CYP4F2: variants seen among roughly 807,000 people sequenced by gnomAD.
The protein encoded by CYP4F2 is cytochrome P450 4F2.
In CYP4F2, 58 loss-of-function variants were observed where a neutral mutation model predicts 58.9. That is an observed-to-expected ratio of 0.98 (90% confidence interval 0.80 to 1.23). CYP4F2 has a LOEUF of 1.23. CYP4F2 is among the 50% of genes most tolerant of loss of function. The pLI, the probability that CYP4F2 is intolerant of heterozygous loss-of-function variation, is 0.00. For missense variants in CYP4F2, 616 were observed against 685.6 expected (o/e 0.90, Z 1.13); for synonymous variants, 287 against 261.1 (o/e 1.10, Z -0.95).
intron 9 of CYP4F2, among the ~76,000 whole-genome samples, chr19:15,882,499 G>C (rs1202117330): frequency 6.7e-6 from 1 of 150,312 alleles, no homozygotes; most frequent in Admixed American, 6.6e-5. Context: ...TATATGAAGT[G>C]ATGGATTTGT....
chr19:15,879,701 C>G (rs2089331134), intron 10 of CYP4F2, 33 bp from the exon 11 acceptor site: 2 of 1,613,832 alleles, frequency 1.2e-6, no homozygotes, highest in African/African-American at 2.7e-5. Context: ...CAGGAGAAGG[C>G]CTCCTTCACT....
Position 15,879,658 on chromosome 19 carries a change from G to A in CYP4F2, c.1260C>T (p.Cys420=). The A allele has an allele frequency of 3.1e-6, 5 of 1,614,176 alleles. No homozygotes were observed. The highest frequency in any genetic ancestry group is 4.2e-6 in the Non-Finnish European group (5 of 1,180,026). Residue 420 remains cysteine (C), a synonymous_variant, in exon 11 of 13, where the codon TGC becomes TGT. Coordinates refer to ENST00000221700, the MANE Select transcript of CYP4F2 (RefSeq NM_001082.5). ...GATGGGTTCCGAAAACACTGATGAG[G>A]CAGATAATGCCTGTGGGAGAGAAGG... ...DGRVIPKGII[C]LISVFGTHHN...
rs1264758717 is a variant in CYP4F2 at position 15,883,868 on chromosome 19, G to A, written c.1115+2056C>T. Among the ~76,000 whole-genome samples, 5 of 152,220 alleles carry A rather than the reference G, an allele frequency of 3.3e-5. No homozygotes were observed. The East Asian group carries it at 5.8e-4, about 18-fold the overall frequency. ...GAGGTCAGGAGTTCGAGACCAGCCT[G>A]GCCAATATGGTGAAACCCCAGCCCT... On this transcript the variant is annotated intron_variant, in intron 9 of 12. Coordinates refer to ENST00000221700, the MANE Select transcript of CYP4F2 (RefSeq NM_001082.5).
At position 15,879,318 on chromosome 19, in the gene CYP4F2, T is replaced by A. The variant is rs3093197; in HGVS notation, c.1397+28A>T. ...CAGACCCCTGCACCCATCAACCCGT[T>A]CCCACCTCAGACACAGGCCGCCCTT... On this transcript the variant is annotated intron_variant, in intron 12 of 12. Coordinates refer to ENST00000221700, the MANE Select transcript of CYP4F2 (RefSeq NM_001082.5). The A allele has an allele frequency of 2.2e-5, 36 of 1,612,896 alleles. No individual in the cohort carries two copies. The African/African-American group carries it at 3.7e-4, about 17-fold the overall frequency.
rs1345094827 is a variant in CYP4F2, at chr19:15,878,629, T to C, written c.*142A>G. 8.9e-7 allele frequency: 1 copy of C among 1,120,026 alleles called. No homozygotes were observed. The highest frequency in any genetic ancestry group is 1.5e-5 in the African/African-American group (1 of 64,556). 69.4% of individuals were successfully genotyped at this position (1,120,026 alleles called of 1,614,324 possible). The stretch of plus-strand genomic sequence containing the variant: ...CATTCACGCACAAGCGTCTTTCTGT[T>C]TGAACACTTGTCTCAATTATTTTGA... On this transcript the variant is annotated 3_prime_UTR_variant, in exon 13 of 13. Transcript: ENST00000221700.
chr19:15,896,673 T>C (rs866598627), intron 2 of CYP4F2, among the ~76,000 whole-genome samples: 1 of 152,198 alleles, frequency 6.6e-6, no homozygotes, highest in East Asian at 1.9e-4. Flanking sequence ...ATCAGGACAA[T>C]GGCTCCCACC....
rs2145009116 is a variant in CYP4F2, at chr19:15,889,610, T to A, written c.731A>T (p.Asp244Val). The change falls in exon 7 of 13, where the codon GAC becomes GTC. Residue 244 changes from aspartate (D) to valine (V), a missense_variant. By Grantham distance (152) the Asp-to-Val change is radical. Transcript: ENST00000221700. ...ATCAGGGGTGAGATAATACAGGAAGTCAATATGCAGGAGGATCTCATGGTG... is the reference window on the plus strand; with the variant it reads ...ATCAGGGGTGAGATAATACAGGAAGACAATATGCAGGAGGATCTCATGGTG... ...KRHHEILLHI[D>V]FLYYLTPDGQ... is the part of the protein sequence containing the mutation. 1.2e-6 allele frequency: 2 copies of A among 1,613,994 alleles called. No homozygotes were observed. Among genetic ancestry groups the A allele is most frequent in the Non-Finnish European group, 1.7e-6 (2 of 1,179,998 alleles).
At chr19:15,889,033 T>C (rs987792256) in intron 7 of CYP4F2, among the ~76,000 whole-genome samples, 2 of 151,988 alleles carry the variant, frequency 1.3e-5, no homozygotes, top group African/African-American at 2.4e-5. Context: ...CATACAGATA[T>C]GGCCAATTAC....
chr19:15,895,982 A>T (rs2089445210), intron 2 of CYP4F2, among the ~76,000 whole-genome samples: 1 of 151,812 alleles, frequency 6.6e-6, no homozygotes, highest in Non-Finnish European at 1.5e-5. Flanking sequence ...CTATCTACCC[A>T]TCCATCCATC....
rs756186873 is a variant in CYP4F2 at position 15,879,419 on chromosome 19, G to A, written c.1324C>T (p.Pro442Ser). The change falls in exon 12 of 13, where the codon CCC (proline) becomes TCC (serine). Residue 442 changes from proline (P) to serine (S), a missense_variant. Physicochemically the swap from Pro to Ser is moderately conservative, Grantham distance 74. Transcript: ENST00000221700. ...ATGTTCTCTGGGTCAAAGCGAAAGGGGTCGTAGACCTGGAGGTGAGACCAA... is the reference window on the plus strand; with the variant it reads ...ATGTTCTCTGGGTCAAAGCGAAAGGAGTCGTAGACCTGGAGGTGAGACCAA... Reference protein sequence around the residue: ...AVWPDPEVYDPFRFDPENIKE... With the variant: ...AVWPDPEVYDSFRFDPENIKE... 4.6e-5 allele frequency: 74 copies of A among 1,614,040 alleles called. No individual in the cohort carries two copies. The highest frequency in any genetic ancestry group is 5.8e-5 in the Non-Finnish European group (68 of 1,180,036).
At chr19:15,882,028 A>G (rs1483060876) in intron 9 of CYP4F2, among the ~76,000 whole-genome samples, 1 of 152,120 alleles carries the variant, frequency 6.6e-6, no homozygotes, top group Non-Finnish European at 1.5e-5. Flanking sequence ...GCAGATCACA[A>G]GGTCAGGAGT....
chr19:15,897,699 G>T, intron 1 of CYP4F2, 87 bp from the exon 2 acceptor site: 2 of 1,513,658 alleles, frequency 1.3e-6, no homozygotes, highest in Non-Finnish European at 1.8e-6. Flanking sequence ...GGCAGGGACG[G>T]GCAGTGCCGG....
At position 15,879,766 on chromosome 19, in the gene CYP4F2, T is replaced by C. The variant is rs771175788; in HGVS notation, c.1247A>G (p.Lys416Arg). The stretch of plus-strand genomic sequence containing the variant: ...CCTCCCCGTGAGGCTGTGAGCACCT[T>C]TGGGGATGACCCGGCCGTCTGGGAG... ...IVLPDGRVIP[K>R]GIICLISVFG... is the part of the protein sequence containing the mutation. The change falls in exon 10 of 13, where the codon AAA becomes AGA. Residue 416 changes from lysine (K) to arginine (R), a missense_variant and splice_region_variant. Lys to Arg is a conservative substitution (Grantham distance 26). Coordinates refer to ENST00000221700, the MANE Select transcript of CYP4F2 (RefSeq NM_001082.5). 5 of 1,614,066 alleles carry C rather than the reference T, an allele frequency of 3.1e-6. No individual in the cohort carries two copies. Among genetic ancestry groups the C allele is most frequent in the East Asian group, 4.5e-5 (2 of 44,862 alleles).
chr19:15,884,068 A>G (rs2089360809), intron 9 of CYP4F2, among the ~76,000 whole-genome samples: 2 of 152,114 alleles, frequency 1.3e-5, no homozygotes, highest in African/African-American at 4.8e-5. Flanking sequence ...CAAAGAAAGA[A>G]AGAAAGGAAA....
At chr19:15,895,483 C>A (rs757567176) in intron 3 of CYP4F2, 23 bp downstream of exon 3, 2 of 1,480,980 alleles carry the variant, frequency 1.4e-6, no homozygotes, top group East Asian at 5.3e-5. Context: ...ATGCACTGCC[C>A]CACCAGCTGT....
intron 9 of CYP4F2, among the ~76,000 whole-genome samples, chr19:15,881,728 C>G (rs2089347148): frequency 6.6e-6 from 1 of 151,288 alleles, no homozygotes; most frequent in East Asian, 1.9e-4. Context: ...AGAATCTGTT[C>G]TTATCACTGG....
At chr19:15,890,220 G>T in intron 6 of CYP4F2, 92 bp downstream of exon 6, 1 of 1,599,122 alleles carries the variant, frequency 6.3e-7, no homozygotes, top group Non-Finnish European at 8.5e-7. Flanking sequence ...CCTCCAGGAA[G>T]GTTTGTCTGG....
At chr19:15,881,983 G>A (rs2089348765) in intron 9 of CYP4F2, among the ~76,000 whole-genome samples, 3 of 152,234 alleles carry the variant, frequency 2.0e-5, no homozygotes, top group African/African-American at 7.2e-5. Context: ...GGTGGCTCAC[G>A]CCTGTAATCC....
rs1273613486 is a variant in CYP4F2 at position 15,881,551 on chromosome 19, C to G, written c.1116-1654G>C. ...TAGATAGTAGATAGGTATATAGATA[C>G]ATAGATAGATGATGGATAGATAGAT... On this transcript the variant is annotated intron_variant, in intron 9 of 12. Coordinates refer to ENST00000221700, the MANE Select transcript of CYP4F2 (RefSeq NM_001082.5). Among the ~76,000 whole-genome samples the G allele has an allele frequency of 5.4e-5, 8 of 147,254 alleles. No homozygotes were observed. The Admixed American group carries it at 5.5e-4, about 10-fold the overall frequency.
Sources: allele counts gnomAD v4.1 joint callset (sites outside exome capture counted in the v4.1 genomes callset), GRCh38; gene constraint gnomAD v4.1.1; transcripts MANE v1.5; gene names NCBI Gene and HGNC (gene_info 2026-07-23, HGNC 2026-07-21).